The following AOAH variants were observed in gnomAD, a reference collection of about 807,000 sequenced individuals.
The protein encoded by AOAH is acyloxyacyl hydrolase (neutrophil).
A neutral mutation model predicts 92.2 loss-of-function variants in AOAH; 64 were observed. The observed-to-expected ratio is 0.69, with a 90% CI of 0.57 to 0.86. AOAH has a LOEUF of 0.86. Among genes scored for constraint, AOAH ranks in the 40% least tolerant of loss-of-function variants. The probability of loss-of-function intolerance (pLI) is 0.00; values close to 1 mark genes in which losing one functional copy is unlikely to be tolerated. For missense variants in AOAH, 656 were observed against 694.6 expected (o/e 0.94, Z 0.62); for synonymous variants, 263 against 254.5 (o/e 1.03, Z -0.32).
intron 5 of AOAH, among the ~76,000 whole-genome samples, chr7:36,634,863 T>C (rs1583996121): frequency 6.6e-6 from 1 of 152,320 alleles, no homozygotes; most frequent in Non-Finnish European, 1.5e-5. Context: ...TAGAATACTA[T>C]TATATAATTG....
In AOAH at chr7:36,516,994, G is replaced by A. The variant is rs980907911; in HGVS notation, c.1600-3614C>T. 1.3e-5 allele frequency among the ~76,000 whole-genome samples: 2 copies of A among 152,178 alleles called. No individual in the cohort carries two copies. Among genetic ancestry groups the A allele is most frequent in the Non-Finnish European group, 2.9e-5 (2 of 68,030 alleles). On this transcript the variant is annotated intron_variant, in intron 20 of 20. Coordinates refer to ENST00000617537, the MANE Select transcript of AOAH (RefSeq NM_001637.4). This position sits in a 1 kb window ranked among gnomAD's most constrained non-coding sequence, Gnocchi z 5.0. Reference sequence around the variant, plus strand: ...GACTGGCATGCTTATCACCAAACTAGAGACTTGTGATAAAATGATCCACTG... The same window carrying A: ...GACTGGCATGCTTATCACCAAACTAAAGACTTGTGATAAAATGATCCACTG...
intron 3 of AOAH, among the ~76,000 whole-genome samples, chr7:36,662,690 T>C (rs1043694169): frequency 2.0e-5 from 3 of 152,302 alleles, no homozygotes; most frequent in South Asian, 4.1e-4. Flanking sequence ...CAACTCATCA[T>C]GTGATATACA....
intron 12 of AOAH, among the ~76,000 whole-genome samples, chr7:36,591,982 TA>T (rs1345601063): frequency 4.6e-5 from 7 of 152,340 alleles, no homozygotes; most frequent in African/African-American, 1.7e-4. Context: ...AAATTAATTT[TA>T]AATATCGGAT....
At chr7:36,619,978 G>C (rs944798849) in intron 9 of AOAH, among the ~76,000 whole-genome samples, 2 of 152,126 alleles carry the variant, frequency 1.3e-5, no homozygotes, top group Admixed American at 6.5e-5. Flanking sequence ...AGTACTGGGA[G>C]TGACTGGGAG....
intron 12 of AOAH, among the ~76,000 whole-genome samples, chr7:36,590,054 G>A (rs1048756592): frequency 2.0e-5 from 3 of 151,928 alleles, no homozygotes; most frequent in Admixed American, 1.3e-4. Context: ...CTGGGCTCAA[G>A]CAATCTTCCC....
intron 3 of AOAH, among the ~76,000 whole-genome samples, chr7:36,664,932 T>C (rs1795449379): frequency 6.6e-6 from 1 of 152,178 alleles, no homozygotes; most frequent in Non-Finnish European, 1.5e-5. Context: ...CACACTCTTT[T>C]CAACAAACAA....
chr7:36,699,558 T>C (rs997972186), intron 1 of AOAH, among the ~76,000 whole-genome samples: 1 of 152,128 alleles, frequency 6.6e-6, no homozygotes, highest in African/African-American at 2.4e-5. Context: ...ATGTTTTTCA[T>C]CTACTTGTTG....
intron 11 of AOAH, among the ~76,000 whole-genome samples, chr7:36,598,934 G>A (rs1790342617): frequency 6.6e-6 from 1 of 152,074 alleles, no homozygotes; most frequent in South Asian, 2.1e-4. Flanking sequence ...TATGTTCTTA[G>A]GAAACTCGTT....
intron 11 of AOAH, among the ~76,000 whole-genome samples, chr7:36,613,781 C>T (rs1374178315): frequency 6.6e-6 from 1 of 152,208 alleles, no homozygotes; most frequent in Non-Finnish European, 1.5e-5. Context: ...GTGCAATTTC[C>T]TCTCAATTAT....
At chr7:36,528,972 C>G (rs1307555548) in intron 19 of AOAH, among the ~76,000 whole-genome samples, 9 of 152,134 alleles carry the variant, frequency 5.9e-5, no homozygotes, top group Admixed American at 5.9e-4. Flanking sequence ...CATTTATAAC[C>G]AGCTCCTGGG....
chr7:36,657,172 A>T (rs968731088), intron 4 of AOAH, among the ~76,000 whole-genome samples: 3 of 152,236 alleles, frequency 2.0e-5, no homozygotes, highest in African/African-American at 7.2e-5. Flanking sequence ...TTCTGGTGGT[A>T]GGATTTCAGC....
Position 36,631,912 on chromosome 7 carries a change from A to C in AOAH, c.521+124T>G, listed in dbSNP as rs556638928. 6.5e-5 allele frequency: 47 copies of C among 723,836 alleles called. No individual in the cohort carries two copies. The African/African-American group carries it at 6.8e-4, about 11-fold the overall frequency. The allele number at this position is 723,836 out of a possible 1,614,324, so 44.8% of individuals were successfully genotyped here. On this transcript the variant is annotated intron_variant, in intron 6 of 20. Transcript: ENST00000617537. ...TGGTTTCTGTGCAATGTTTTGAGAA[A>C]GAAACACTCTCACCTTCAGGGATGC...
At chr7:36,716,586 A>G (rs1799188550) in intron 1 of AOAH, among the ~76,000 whole-genome samples, 1 of 149,444 alleles carries the variant, frequency 6.7e-6, no homozygotes, top group South Asian at 2.1e-4. Flanking sequence ...ATGTCCAACA[A>G]TGATAGACTG....
chr7:36,644,537 C>T (rs1361420680), intron 4 of AOAH, among the ~76,000 whole-genome samples: 3 of 152,108 alleles, frequency 2.0e-5, no homozygotes, highest in Non-Finnish European at 2.9e-5. Flanking sequence ...ATACGAAGAC[C>T]GTAGCGAACA....
At chr7:36,599,513 T>TCAAA (rs1484552395) in intron 11 of AOAH, among the ~76,000 whole-genome samples, 1 of 152,238 alleles carries the variant, frequency 6.6e-6, no homozygotes, top group Non-Finnish European at 1.5e-5. Flanking sequence ...TGGATTATTT[T>TCAAA]CAAACAGTAC....
intron 10 of AOAH, among the ~76,000 whole-genome samples, chr7:36,617,762 C>T (rs1792002890): frequency 6.6e-6 from 1 of 152,156 alleles, no homozygotes; most frequent in Admixed American, 6.6e-5. Flanking sequence ...ATGTTTGTGC[C>T]ATCTGGGCAC....
At chr7:36,514,400 G>T in intron 20 of AOAH, 2 of 1,200,754 alleles carry the variant, frequency 1.7e-6, no homozygotes, top group Non-Finnish European at 2.4e-6. Context: ...GAGTCTGGCT[G>T]AAGTGCCAGA....
chr7:36,521,327 C>G (rs6462680), intron 20 of AOAH, among the ~76,000 whole-genome samples: 125,716 of 152,140 alleles, frequency 0.83, 54,128 homozygotes, highest in Non-Finnish European at 0.96. Context: ...ACAACTCCCC[C>G]ACTTCTTTTT....
chr7:36,654,697 T>G (rs549746552), intron 4 of AOAH, among the ~76,000 whole-genome samples: 2 of 152,246 alleles, frequency 1.3e-5, no homozygotes, highest in South Asian at 4.2e-4. Flanking sequence ...CTGAAATGTG[T>G]GAAAAGCCAG....
Sources: gnomAD v4.1 joint callset for allele counts (sites outside exome capture counted in the v4.1 genomes callset) on GRCh38, gnomAD v4.1.1 for gene constraint, Gnocchi (gnomAD v3.1) non-coding constraint, MANE v1.5 for transcripts, NCBI Gene and HGNC (gene_info 2026-07-23, HGNC 2026-07-21) for gene names.